PEX7: variants seen among roughly 807,000 people sequenced by gnomAD.
The protein encoded by PEX7 is PTS2 receptor.
PEX7 carries 34 observed loss-of-function variants against 47.5 expected under a neutral mutation model. The ratio of observed to expected loss-of-function variants is 0.72; its 90% CI spans 0.54 to 0.95. The LOEUF is 0.95. Among genes scored for constraint, PEX7 ranks in the 40% least tolerant of loss-of-function variants. The pLI, the probability that PEX7 is intolerant of heterozygous loss-of-function variation, is 0.00. For synonymous variants in PEX7, 141 were observed against 148.8 expected, an observed-to-expected ratio of 0.95 and a Z score of 0.38; for missense variants, 394 against 400.3, an observed-to-expected ratio of 0.98 and a Z score of 0.13.
Position 136,898,249 on chromosome 6 carries a change from A to G in PEX7, c.903+8A>G, listed in dbSNP as rs779919482. ...CTTCAGAGCCCCACTCAGGTAACGG[A>G]TACAATCTCATGATATTCTCTTCTG... On this transcript the variant is annotated splice_region_variant and intron_variant, in intron 9 of 9. Coordinates refer to ENST00000318471, the MANE Select transcript of PEX7 (RefSeq NM_000288.4). 3.3e-5 allele frequency: 48 copies of G among 1,473,026 alleles called. No individual in the cohort carries two copies. The highest frequency in any genetic ancestry group is 7.6e-6 in the Non-Finnish European group (8 of 1,051,640). 91.2% of individuals were successfully genotyped at this position (1,473,026 alleles called of 1,614,324 possible).
intron 5 of PEX7, 115 bp downstream of exon 5, chr6:136,846,296 ATTC>A (rs1303796926): frequency 1.8e-6 from 1 of 543,636 alleles, no homozygotes; most frequent in African/African-American, 1.9e-5. Flanking sequence ...GAATATTACT[ATTC>A]TTTTGTGTTC....
chr6:136,834,741 A>T (rs1319674563), intron 3 of PEX7, among the ~76,000 whole-genome samples: 1 of 152,172 alleles, frequency 6.6e-6, no homozygotes, highest in Non-Finnish European at 1.5e-5. Flanking sequence ...AGAAAGATGG[A>T]TTGTGTAGAT....
At chr6:136,905,504 C>T (rs760268915) in intron 9 of PEX7, among the ~76,000 whole-genome samples, 3 of 152,194 alleles carry the variant, frequency 2.0e-5, no homozygotes, top group Non-Finnish European at 4.4e-5. Context: ...AAAAAGGTCA[C>T]CAGTAAACTC....
chr6:136,905,172 G>A (rs571433333), intron 9 of PEX7, among the ~76,000 whole-genome samples: 28 of 151,914 alleles, frequency 1.8e-4, no homozygotes, highest in East Asian at 1.3e-3. Flanking sequence ...ATCTTTTTCC[G>A]TCTCTGTCAC....
At chr6:136,847,590 A>G (rs547762577) in intron 5 of PEX7, among the ~76,000 whole-genome samples, 2,575 of 151,854 alleles carry the variant, frequency 0.017, 73 homozygotes, top group African/African-American at 0.059. Flanking sequence ...AGCACCATTT[A>G]TTAAATAGGG....
intron 3 of PEX7, among the ~76,000 whole-genome samples, chr6:136,834,522 G>A (rs1290587603): frequency 1.3e-5 from 2 of 152,184 alleles, no homozygotes; most frequent in East Asian, 3.9e-4. Context: ...CAACTGAAAA[G>A]GACATTTCTG....
At chr6:136,877,194 T>G (rs1422694524) in intron 8 of PEX7, among the ~76,000 whole-genome samples, 4 of 151,304 alleles carry the variant, frequency 2.6e-5, no homozygotes, top group Non-Finnish European at 4.4e-5. Context: ...TTGTTTTTTT[T>G]TTGTTGATTC....
chr6:136,871,839 G>A (rs562070154), intron 7 of PEX7, among the ~76,000 whole-genome samples: 3 of 152,262 alleles, frequency 2.0e-5, no homozygotes, highest in South Asian at 4.2e-4. Flanking sequence ...GGGATTACAG[G>A]TGTGAGCTGC....
chr6:136,898,285 C>G, intron 9 of PEX7, 44 bp downstream of exon 9: 1 of 1,150,212 alleles, frequency 8.7e-7, no homozygotes, highest in Non-Finnish European at 1.3e-6. Context: ...CCCAAGTTCA[C>G]AGCCAACTCT....
chr6:136,877,496 T>C (rs1244160904), intron 8 of PEX7, among the ~76,000 whole-genome samples: 2 of 152,194 alleles, frequency 1.3e-5, no homozygotes, highest in Admixed American at 1.3e-4. Context: ...TTGTATAAGG[T>C]GTAAGGAAGG....
chr6:136,856,590 C>T (rs1301915585), intron 5 of PEX7, among the ~76,000 whole-genome samples: 2 of 152,152 alleles, frequency 1.3e-5, no homozygotes, highest in African/African-American at 4.8e-5. Context: ...GGCTCTGATG[C>T]GTCCTTGTGG....
At chr6:136,901,521 G>A (rs1054074043) in intron 9 of PEX7, 1 of 152,280 alleles carries the variant, frequency 6.6e-6, no homozygotes. Flanking sequence ...TCCAGGCCGT[G>A]TGTCTCTAGG....
At chr6:136,906,853 C>T (rs1054773783) in intron 9 of PEX7, among the ~76,000 whole-genome samples, 2 of 152,102 alleles carry the variant, frequency 1.3e-5, no homozygotes, top group East Asian at 1.9e-4. Context: ...GTTAAATTGT[C>T]GTTTTTATCA....
chr6:136,828,019 C>G (rs1363656804), intron 3 of PEX7, among the ~76,000 whole-genome samples: 11 of 142,184 alleles, frequency 7.7e-5, no homozygotes, highest in Admixed American at 7.7e-4. Flanking sequence ...TTTCCTTTTT[C>G]TTAAATCTTT....
Position 136,845,640 on chromosome 6 carries a change from C to A in PEX7, c.365C>A (p.Thr122Asn), listed in dbSNP as rs1436024149. Reference protein sequence around the residue: ...QEVYSVDWSQTRGEQLVVSGS... With the variant: ...QEVYSVDWSQNRGEQLVVSGS... Reference sequence around the variant, plus strand: ...GTGTATAGTGTTGATTGGAGCCAAACCAGAGGTGAACAGCTTGTGGTGTCT... The same window carrying A: ...GTGTATAGTGTTGATTGGAGCCAAAACAGAGGTGAACAGCTTGTGGTGTCT... Residue 122 changes from threonine (T) to asparagine (N), a missense_variant, in exon 4 of 10, where the codon ACC (threonine) becomes AAC (asparagine). By Grantham distance (65) the Thr-to-Asn change is moderately conservative (BLOSUM62 0). Coordinates refer to ENST00000318471, the MANE Select transcript of PEX7 (RefSeq NM_000288.4). 1.9e-6 allele frequency: 3 copies of A among 1,610,304 alleles called. No homozygotes were observed. Among genetic ancestry groups the A allele is most frequent in the Non-Finnish European group, 2.5e-6 (3 of 1,176,722 alleles).
intron 5 of PEX7, among the ~76,000 whole-genome samples, chr6:136,850,488 G>A (rs529602971): frequency 1.6e-4 from 24 of 152,244 alleles, no homozygotes; most frequent in African/African-American, 5.3e-4. Flanking sequence ...TTTTTGCAGT[G>A]GCTGGTACCG....
intron 5 of PEX7, among the ~76,000 whole-genome samples, chr6:136,864,010 G>C (rs1186588569): frequency 6.6e-6 from 1 of 152,136 alleles, no homozygotes; most frequent in Non-Finnish European, 1.5e-5. Flanking sequence ...GTGCATGCTG[G>C]GGACCCAGAC....
At chr6:136,894,144 A>G (rs183943540) in intron 8 of PEX7, among the ~76,000 whole-genome samples, 14 of 152,248 alleles carry the variant, frequency 9.2e-5, no homozygotes, top group Admixed American at 7.2e-4. Context: ...GCAGTGCCCT[A>G]TGATTTAGCT....
chr6:136,847,701 T>A (rs1774653261), intron 5 of PEX7, among the ~76,000 whole-genome samples: 1 of 152,216 alleles, frequency 6.6e-6, no homozygotes, highest in African/African-American at 2.4e-5. Flanking sequence ...TCCATTGGTC[T>A]AGATCTCTGT....
Sources: gnomAD v4.1 joint callset for allele counts (sites outside exome capture counted in the v4.1 genomes callset) on GRCh38, gnomAD v4.1.1 for gene constraint, MANE v1.5 for transcripts, NCBI Gene and HGNC (gene_info 2026-07-23, HGNC 2026-07-21) for gene names.